Variants in IQCB1 observed in about 807,000 individuals in gnomAD.
IQCB1 encodes IQ calmodulin-binding motif-containing protein 1.
In IQCB1, 56 loss-of-function variants were observed where a neutral mutation model predicts 84.4. The observed-to-expected ratio is 0.66, with a 90% CI of 0.54 to 0.83. The LOEUF is 0.83. Among genes scored for constraint, IQCB1 ranks in the 40% least tolerant of loss-of-function variants. IQCB1 has a pLI of 0.00. For synonymous variants in IQCB1, 210 were observed against 234.8 expected (o/e 0.89, Z 0.96); for missense variants, 629 against 682.1 (o/e 0.92, Z 0.87).
At chr3:121,823,097 G>A (rs1024314332) in intron 5 of IQCB1, among the ~76,000 whole-genome samples, 1 of 152,078 alleles carries the variant, frequency 6.6e-6, no homozygotes, top group African/African-American at 2.4e-5. Context: ...TATATGAAAT[G>A]AAAAATTCAC....
rs1324515502 is a variant in IQCB1, at chr3:121,787,681, G to T, written c.1278+603C>A. ...CAGGAGAATTGCTTGAACCTGGGAGGCGGAGGTTGTAGTGAGCCAAGATCG... is the reference window on the plus strand; with the variant it reads ...CAGGAGAATTGCTTGAACCTGGGAGTCGGAGGTTGTAGTGAGCCAAGATCG... On this transcript the variant is annotated intron_variant, in intron 12 of 14. Transcript: ENST00000310864. 2.6e-5 allele frequency among the ~76,000 whole-genome samples: 4 copies of T among 151,820 alleles called. No individual in the cohort carries two copies. In the East Asian group the frequency reaches 7.7e-4, roughly 29 times the overall value.
chr3:121,808,972 A>T lies in IQCB1; in HGVS notation c.431T>A (p.Ile144Asn). The T allele has an allele frequency of 6.2e-7, 1 of 1,610,642 alleles. No homozygotes were observed. The highest frequency in any genetic ancestry group is 1.1e-5 in the South Asian group (1 of 90,960). Reference sequence around the variant, plus strand: ...AAGCCAGAAGAGAGAATCAGTCACAATTTGGAAAAAGTGTAGTAATTCATC... The same window carrying T: ...AAGCCAGAAGAGAGAATCAGTCACATTTTGGAAAAAGTGTAGTAATTCATC... ...EKDELLHFFQIVTDSLFWLLG... is the reference protein window; with the variant it reads ...EKDELLHFFQNVTDSLFWLLG... Residue 144 changes from isoleucine (I) to asparagine (N), a missense_variant, in exon 6 of 15, where the codon ATT (isoleucine) becomes AAT (asparagine). Coordinates refer to ENST00000310864, the MANE Select transcript of IQCB1 (RefSeq NM_001023570.4).
Position 121,799,213 on chromosome 3 carries a change from T to C in IQCB1, c.749A>G (p.Gln250Arg). ...SHQEILILLR[Q>R]STCYKGLRRL... is the part of the protein sequence containing the mutation. Reference sequence around the variant, plus strand: ...TGTACTACCTTTGTAGCAGGTACTTTGTCTCAGTAAAATCAAAATTTCCTG... The same window carrying C: ...TGTACTACCTTTGTAGCAGGTACTTCGTCTCAGTAAAATCAAAATTTCCTG... Residue 250 changes from glutamine to arginine, a missense_variant, in exon 8 of 15, where the codon CAA becomes CGA. Transcript: ENST00000310864. 6.2e-7 allele frequency: 1 copy of C among 1,609,228 alleles called. No individual in the cohort carries two copies. Among genetic ancestry groups the C allele is most frequent in the Non-Finnish European group, 8.5e-7 (1 of 1,177,172 alleles).
At chr3:121,784,423 A>G (rs1237217763) in intron 12 of IQCB1, among the ~76,000 whole-genome samples, 2 of 151,700 alleles carry the variant, frequency 1.3e-5, no homozygotes, top group Non-Finnish European at 2.9e-5. Context: ...TTCCCTGTCA[A>G]ATTTTATTCT....
At chr3:121,827,282 T>C (rs1950495083) in intron 4 of IQCB1, among the ~76,000 whole-genome samples, 1 of 152,116 alleles carries the variant, frequency 6.6e-6, no homozygotes, top group Non-Finnish European at 1.5e-5. Context: ...AAAAAAAACC[T>C]AAGTGGATAA....
chr3:121,831,677 G>A (rs1950646205), intron 2 of IQCB1, among the ~76,000 whole-genome samples: 1 of 152,192 alleles, frequency 6.6e-6, no homozygotes, highest in South Asian at 2.1e-4. Context: ...TTGATTGCTT[G>A]CTTGTTGGTG....
intron 7 of IQCB1, 90 bp downstream of exon 7, chr3:121,807,254 C>CTTGTCTATACATTATATACAAGCT (rs1949634060): frequency 1.7e-6 from 1 of 578,712 alleles, no homozygotes. Flanking sequence ...ATATACAAAT[C>CTTGTCTATACATTATATACAAGCT]ATATGCGGTC....
chr3:121,817,727 GA>G, intron 5 of IQCB1, among the ~76,000 whole-genome samples: 1 of 152,102 alleles, frequency 6.6e-6, no homozygotes, highest in East Asian at 1.9e-4. Flanking sequence ...TTGTGTCCCT[GA>G]AAACTCATAT....
chr3:121,774,886 A>G (rs1049960607), intron 13 of IQCB1, among the ~76,000 whole-genome samples: 1 of 152,230 alleles, frequency 6.6e-6, no homozygotes, highest in Admixed American at 6.5e-5. Context: ...CATAGTTAAA[A>G]TGGTAATTTT....
At chr3:121,831,474 G>A (rs924778073) in intron 2 of IQCB1, among the ~76,000 whole-genome samples, 1 of 152,138 alleles carries the variant, frequency 6.6e-6, no homozygotes, top group Non-Finnish European at 1.5e-5. Context: ...CCCAAGGTGT[G>A]TATTAATAGG....
chr3:121,804,697 T>C (rs1228227546), intron 7 of IQCB1, among the ~76,000 whole-genome samples: 1 of 152,152 alleles, frequency 6.6e-6, no homozygotes, highest in Non-Finnish European at 1.5e-5. Flanking sequence ...ATGTGGAATT[T>C]TCTTCATATT....
At chr3:121,830,430 C>T (rs1403290989) in intron 2 of IQCB1, among the ~76,000 whole-genome samples, 1 of 151,658 alleles carries the variant, frequency 6.6e-6, no homozygotes, top group African/African-American at 2.4e-5. Context: ...GCATTTGAAG[C>T]TCAAAGATAT....
At chr3:121,795,600 AG>A in intron 9 of IQCB1, 34 bp from the exon 10 acceptor site, 1 of 1,216,470 alleles carries the variant, frequency 8.2e-7, no homozygotes, top group Non-Finnish European at 1.2e-6. Context: ...AGATATCTCT[AG>A]GAAGGTCTTT....
intron 13 of IQCB1, among the ~76,000 whole-genome samples, chr3:121,774,570 G>A (rs1355934397): frequency 6.6e-6 from 1 of 152,128 alleles, no homozygotes; most frequent in Non-Finnish European, 1.5e-5. Context: ...ATATATAATG[G>A]AATATTATTC....
intron 1 of IQCB1, 73 bp downstream of exon 1, chr3:121,834,893 G>A (rs1306004591): frequency 1.6e-5 from 5 of 306,606 alleles, no homozygotes; most frequent in Non-Finnish European, 6.3e-6. Flanking sequence ...TCGTCCAGGA[G>A]CCTGGGGTCC....
intron 7 of IQCB1, among the ~76,000 whole-genome samples, chr3:121,801,531 C>T (rs1949408274): frequency 6.6e-6 from 1 of 151,988 alleles, no homozygotes; most frequent in African/African-American, 2.4e-5. Flanking sequence ...TACCCCATAT[C>T]AAAACATTCA....
intron 7 of IQCB1, among the ~76,000 whole-genome samples, chr3:121,806,862 A>C (rs1949615389): frequency 6.6e-6 from 1 of 152,058 alleles, no homozygotes; most frequent in African/African-American, 2.4e-5. Flanking sequence ...GGATTATTTC[A>C]ATTGTGTATA....
intron 6 of IQCB1, among the ~76,000 whole-genome samples, chr3:121,808,380 ATGTAAC>A (rs1949689107): frequency 6.6e-6 from 1 of 151,996 alleles, no homozygotes; most frequent in Non-Finnish European, 1.5e-5. Context: ...AGCACCATGA[ATGTAAC>A]TAAGAATTAT....
At chr3:121,822,383 G>C (rs993079494) in intron 5 of IQCB1, among the ~76,000 whole-genome samples, 1 of 152,048 alleles carries the variant, frequency 6.6e-6, no homozygotes. Flanking sequence ...CAAATAAGAA[G>C]TTGCAGTATA....
Sources: gnomAD v4.1 joint callset for allele counts (sites outside exome capture counted in the v4.1 genomes callset) on GRCh38, gnomAD v4.1.1 for gene constraint, MANE v1.5 for transcripts, NCBI Gene and HGNC (gene_info 2026-07-23, HGNC 2026-07-21) for gene names.